Variants in TRPC4AP observed in about 807,000 individuals in gnomAD.
TRPC4AP encodes transient receptor potential cation channel subfamily C member 4 associated protein, also known as short transient receptor potential channel 4-associated protein.
A neutral mutation model predicts 99.0 loss-of-function variants in TRPC4AP; 45 were observed. That is an observed-to-expected ratio of 0.45 (90% CI 0.36 to 0.58). The LOEUF (loss-of-function observed/expected upper bound fraction) is 0.58. TRPC4AP is among the 20% of genes least tolerant of loss of function. The pLI, the probability that TRPC4AP is intolerant of heterozygous loss-of-function variation, is 0.00. For synonymous variants in TRPC4AP, 408 were observed against 385.8 expected (o/e 1.06, Z -0.67); for missense variants, 879 against 985.3 (o/e 0.89, Z 1.44).
At chr20:35,024,841 A>AC (rs1569096935) in intron 8 of TRPC4AP, among the ~76,000 whole-genome samples, 9 of 112,624 alleles carry the variant, frequency 8.0e-5, no homozygotes, top group South Asian at 2.9e-4. Context: ...AAAAAAAAAA[A>AC]AAAAAAAAAA....
intron 2 of TRPC4AP, among the ~76,000 whole-genome samples, chr20:35,071,465 C>T (rs911663784): frequency 7.3e-5 from 9 of 122,860 alleles, no homozygotes; most frequent in South Asian, 3.0e-4. Context: ...TGGTGTGTGA[C>T]GTTCCCCACC....
In TRPC4AP at chr20:35,044,655, G is replaced by C; in HGVS notation, c.715C>G (p.Gln239Glu). 6.2e-7 allele frequency: 1 copy of C among 1,614,200 alleles called. No individual in the cohort carries two copies. Among genetic ancestry groups the C allele is most frequent in the Non-Finnish European group, 8.5e-7 (1 of 1,180,028 alleles). Reference protein sequence around the residue: ...NLSSLVSNFDQQQLANFCRIL... With the variant: ...NLSSLVSNFDEQQLANFCRIL... ...CGGCAGAAATTAGCGAGCTGCTGCT[G>C]ATCGAAATTGGATACTAAGGAACTC... Residue 239 changes from glutamine to glutamate, a missense_variant, in exon 7 of 19, where the codon CAG becomes GAG. Transcript: ENST00000252015.
rs71299218 is a variant in TRPC4AP at position 35,031,390 on chromosome 20, CTTTTT to C, written c.1051+3728_1051+3732del. ...GGTGTGCACTACTACCCCTGGTTAA[CTTTTT>C]TTTTTTTTTTTTTTTTTTTTCAAAG... On this transcript the variant is annotated intron_variant, in intron 8 of 18. Coordinates refer to ENST00000252015, the MANE Select transcript of TRPC4AP (RefSeq NM_015638.3). Among the ~76,000 whole-genome samples, 279 of 73,662 alleles carry C rather than the reference CTTTTT, an allele frequency of 3.8e-3. 1 individual carries two copies. The highest frequency in any genetic ancestry group is 0.012 in the Middle Eastern group (1 of 84). The allele number at this position is 73,662 out of a possible 152,430, so 48.3% of individuals were successfully genotyped here. A position where few individuals can be genotyped will look rare whatever the true frequency, so the allele number is the denominator to read the frequency against.
chr20:35,086,451 GT>G (rs1466521572), intron 1 of TRPC4AP, among the ~76,000 whole-genome samples: 2 of 136,210 alleles, frequency 1.5e-5, no homozygotes, highest in Non-Finnish European at 3.2e-5. Context: ...GTGTGTGTGT[GT>G]GTGTGTGTGT....
intron 1 of TRPC4AP, among the ~76,000 whole-genome samples, chr20:35,086,517 G>A (rs28533393): frequency 3.5e-4 from 13 of 36,662 alleles, no homozygotes; most frequent in South Asian, 8.8e-4. Context: ...ATGTGTGTGT[G>A]TGTATATATG....
intron 18 of TRPC4AP, 45 bp downstream of exon 18, chr20:35,003,365 G>A (rs769619617): frequency 8.7e-6 from 14 of 1,604,450 alleles, no homozygotes; most frequent in Non-Finnish European, 1.2e-5. Flanking sequence ...GAGAGGCCCT[G>A]GGTCCGCGGC....
chr20:35,070,556 G>A (rs968393378), intron 2 of TRPC4AP, among the ~76,000 whole-genome samples: 1 of 151,830 alleles, frequency 6.6e-6, no homozygotes, highest in Non-Finnish European at 1.5e-5. Flanking sequence ...GACTACAGGC[G>A]CCCGCCACTG....
chr20:35,005,689 A>G lies in TRPC4AP; in HGVS notation c.1936+6T>C. The G allele has an allele frequency of 4.3e-6, 7 of 1,613,704 alleles. No homozygotes were observed. Among genetic ancestry groups the G allele is most frequent in the South Asian group, 2.2e-5 (2 of 91,078 alleles). ...GACTTGCCTTGACAGCCTGCCTTTC[A>G]TGTACCTTTCATATCCACCTGGTTT... On this transcript the variant is annotated splice_donor_region_variant and intron_variant, in intron 16 of 18. Transcript: ENST00000252015.
intron 2 of TRPC4AP, among the ~76,000 whole-genome samples, chr20:35,069,645 C>T (rs751854462): frequency 4.1e-4 from 63 of 152,186 alleles, no homozygotes; most frequent in Non-Finnish European, 3.4e-4. Flanking sequence ...CACTAGGCCA[C>T]TTCCAGCACA....
At chr20:35,021,447 T>G (rs1223474609) in intron 8 of TRPC4AP, 91 bp from the exon 9 acceptor site, 1 of 1,434,448 alleles carries the variant, frequency 7.0e-7, no homozygotes, top group East Asian at 2.3e-5. Context: ...ACTTGTAGCA[T>G]GGCCATTCGG....
intron 6 of TRPC4AP, among the ~76,000 whole-genome samples, chr20:35,049,097 C>T (rs1042614542): frequency 1.3e-4 from 20 of 152,172 alleles, no homozygotes; most frequent in Non-Finnish European, 2.5e-4. Context: ...AACATGGAGG[C>T]TCAGGACAGA....
chr20:35,006,112 C>T (rs558016419), intron 15 of TRPC4AP, among the ~76,000 whole-genome samples: 6 of 152,284 alleles, frequency 3.9e-5, no homozygotes, highest in African/African-American at 1.4e-4. Context: ...CACACACACT[C>T]GGTGAGCCTA....
chr20:35,024,820 C>A (rs985815190), intron 8 of TRPC4AP, among the ~76,000 whole-genome samples: 4 of 44,512 alleles, frequency 9.0e-5, no homozygotes, highest in Non-Finnish European at 1.9e-4. Flanking sequence ...AGAGAGAGAC[C>A]GTCTCAAAAA....
intron 5 of TRPC4AP, among the ~76,000 whole-genome samples, chr20:35,051,647 G>A (rs894722011): frequency 1.4e-5 from 2 of 147,162 alleles, no homozygotes; most frequent in Non-Finnish European, 3.0e-5. Context: ...TGTTATTCCC[G>A]AACTACATAC....
chr20:35,030,159 T>C (rs1424803710), intron 8 of TRPC4AP, among the ~76,000 whole-genome samples: 1 of 147,566 alleles, frequency 6.8e-6, no homozygotes, highest in Non-Finnish European at 1.5e-5. Context: ...GGGAATCACT[T>C]GAACCCAGGA....
intron 8 of TRPC4AP, among the ~76,000 whole-genome samples, chr20:35,032,694 G>C (rs1395768658): frequency 6.7e-6 from 1 of 148,712 alleles, no homozygotes. Context: ...GGATAGTCTC[G>C]ATCTCCTGAC....
Position 35,055,034 on chromosome 20 carries a change from G to A in TRPC4AP, c.473-3C>T. 1 of 1,613,106 alleles carries A rather than the reference G, an allele frequency of 6.2e-7. No homozygotes were observed. The highest frequency in any genetic ancestry group is 1.7e-5 in the Admixed American group (1 of 59,936). ...GTCCTTGGACATTTCATCACTTACT[G>A]AAAGTGAAAGGGTAATGACTGGTTA... is the stretch of plus-strand genomic sequence containing the variant. On this transcript the variant is annotated splice_region_variant and splice_polypyrimidine_tract_variant and intron_variant, in intron 4 of 18. Transcript: ENST00000252015.
chr20:35,015,703 T>C (rs2082738743), intron 10 of TRPC4AP, among the ~76,000 whole-genome samples: 1 of 152,058 alleles, frequency 6.6e-6, no homozygotes, highest in Admixed American at 6.5e-5. Flanking sequence ...TTGGCCAGGC[T>C]GGTCTGTAAC....
chr20:35,015,358 C>T (rs1474057063), intron 10 of TRPC4AP, among the ~76,000 whole-genome samples: 1 of 151,890 alleles, frequency 6.6e-6, no homozygotes, highest in East Asian at 1.9e-4. Flanking sequence ...TAAGGAAAAG[C>T]AGGCTGCTAG....
Sources: allele counts gnomAD v4.1 joint callset (sites outside exome capture counted in the v4.1 genomes callset), GRCh38; gene constraint gnomAD v4.1.1; transcripts MANE v1.5; gene names NCBI Gene and HGNC (gene_info 2026-07-23, HGNC 2026-07-21).